The following CADM1 variants were observed in gnomAD, a reference collection of about 807,000 sequenced individuals.
The protein encoded by CADM1 is cell adhesion molecule 1.
CADM1 carries 15 observed loss-of-function variants against 53.1 expected under a neutral mutation model. That is an observed-to-expected ratio of 0.28 (90% confidence interval 0.19 to 0.44). The LOEUF (loss-of-function observed/expected upper bound fraction) is 0.44. Ranked by LOEUF, CADM1 falls within the 20% of genes least tolerant of loss-of-function variation. The probability of loss-of-function intolerance (pLI) is 1.00; values close to 1 mark genes in which losing one functional copy is unlikely to be tolerated. For missense variants in CADM1, 434 were observed against 611.3 expected (o/e 0.71, Z 3.06); for synonymous variants, 281 against 243.0 (o/e 1.16, Z -1.45).
intron 1 of CADM1, among the ~76,000 whole-genome samples, chr11:115,452,421 C>T (rs1948594534): frequency 6.6e-6 from 1 of 152,180 alleles, no homozygotes; most frequent in African/African-American, 2.4e-5. Flanking sequence ...AGCTTCTCCC[C>T]AGATCAGAAG....
chr11:115,347,514 A>T (rs1272283251), intron 1 of CADM1, among the ~76,000 whole-genome samples: 1 of 152,206 alleles, frequency 6.6e-6, no homozygotes, highest in East Asian at 1.9e-4. Flanking sequence ...ATAATAGAAC[A>T]TTTATTTTAT....
At chr11:115,424,573 G>A (rs1947840077) in intron 1 of CADM1, among the ~76,000 whole-genome samples, 1 of 151,998 alleles carries the variant, frequency 6.6e-6, no homozygotes, top group Admixed American at 6.5e-5. Context: ...TGTCTCCCAG[G>A]CTGGAGTGCA....
At chr11:115,445,793 C>T (rs1006190067) in intron 1 of CADM1, 5 of 451,978 alleles carry the variant, frequency 1.1e-5, no homozygotes, top group African/African-American at 8.0e-5. Flanking sequence ...TGCAGTGAGC[C>T]GAGATTGTGC....
chr11:115,193,107 AG>A (rs1213202582), intron 9 of CADM1, among the ~76,000 whole-genome samples: 1 of 152,232 alleles, frequency 6.6e-6, no homozygotes, highest in Non-Finnish European at 1.5e-5. Context: ...GATTTGGCTT[AG>A]GTATTTTTCT....
At chr11:115,301,339 G>A (rs925044664) in intron 1 of CADM1, among the ~76,000 whole-genome samples, 6 of 152,134 alleles carry the variant, frequency 3.9e-5, no homozygotes, top group African/African-American at 1.4e-4. Context: ...AGGCATGACA[G>A]TAATGAGACT....
chr11:115,369,329 C>G (rs543480187), intron 1 of CADM1, among the ~76,000 whole-genome samples: 91 of 152,202 alleles, frequency 6.0e-4, no homozygotes, highest in African/African-American at 2.0e-3. Context: ...ATTAAGAAAG[C>G]TGTAATTTTT....
Position 115,247,763 on chromosome 11 carries a change from C to T in CADM1, c.125-7343G>A, listed in dbSNP as rs554457221. ...GAAATTCCTTTGGGGAGAGGCAGCT[C>T]TGAAATAGCACAGCAAGGTTTCTCC... On this transcript the variant is annotated intron_variant, in intron 1 of 11. Coordinates refer to ENST00000331581, the MANE Select transcript of CADM1 (RefSeq NM_001301043.2). Among the ~76,000 whole-genome samples the T allele has an allele frequency of 3.9e-5, 6 of 152,302 alleles. No individual in the cohort carries two copies. The South Asian group carries it at 6.2e-4, about 16-fold the overall frequency.
At chr11:115,416,661 C>T (rs1565416536) in intron 1 of CADM1, among the ~76,000 whole-genome samples, 2 of 151,438 alleles carry the variant, frequency 1.3e-5, no homozygotes, top group Non-Finnish European at 2.9e-5. Flanking sequence ...ACTGTAGCCT[C>T]AAACCCCCTT....
At position 115,335,109 on chromosome 11, in the gene CADM1, A is replaced by G. The variant is rs1002384495; in HGVS notation, c.125-94689T>C. Among the ~76,000 whole-genome samples the G allele has an allele frequency of 3.9e-5, 6 of 152,128 alleles. No homozygotes were observed. In the East Asian group the frequency reaches 1.2e-3, roughly 29 times the overall value. On this transcript the variant is annotated intron_variant, in intron 1 of 11. Transcript: ENST00000331581. ...TTGTCACAAGATGGCAATCTCATGC[A>G]CTGGTAAACCATAAAAATTCATAGG...
intron 10 of CADM1, among the ~76,000 whole-genome samples, chr11:115,182,161 T>C (rs988753349): frequency 2.6e-5 from 4 of 152,184 alleles, no homozygotes; most frequent in Non-Finnish European, 5.9e-5. Context: ...CTCTTCAGAT[T>C]CCCGGCTCAT....
chr11:115,257,245 A>G (rs917426123), intron 1 of CADM1, among the ~76,000 whole-genome samples: 1 of 152,106 alleles, frequency 6.6e-6, no homozygotes, highest in African/African-American at 2.4e-5. Flanking sequence ...TTTTTGAGTG[A>G]CTGCCAGCAC....
intron 1 of CADM1, chr11:115,399,487 G>A (rs1020312176): frequency 6.6e-6 from 1 of 152,116 alleles, no homozygotes; most frequent in African/African-American, 2.4e-5. Context: ...TGAAGCTGAT[G>A]TATCCAAGCA....
At chr11:115,316,693 G>A (rs1337469292) in intron 1 of CADM1, among the ~76,000 whole-genome samples, 2 of 152,110 alleles carry the variant, frequency 1.3e-5, no homozygotes, top group African/African-American at 4.8e-5. Context: ...CACCTCTAAT[G>A]CAATGATACA....
At chr11:115,447,020 G>A (rs1215908112) in intron 1 of CADM1, among the ~76,000 whole-genome samples, 4 of 152,080 alleles carry the variant, frequency 2.6e-5, no homozygotes, top group African/African-American at 9.7e-5. Flanking sequence ...ACTAAAGTAG[G>A]TACAAACTAT....
intron 1 of CADM1, among the ~76,000 whole-genome samples, chr11:115,295,525 T>TA (rs1944038747): frequency 1.2e-5 from 1 of 80,936 alleles, no homozygotes; most frequent in Non-Finnish European, 2.0e-5. Flanking sequence ...TATATATATA[T>TA]ATATATATAT....
intron 1 of CADM1, among the ~76,000 whole-genome samples, chr11:115,469,563 C>A (rs1276455286): frequency 1.3e-5 from 2 of 152,138 alleles, no homozygotes. Flanking sequence ...ATGCATTAAA[C>A]CGTTTCAAAC....
intron 8 of CADM1, among the ~76,000 whole-genome samples, chr11:115,208,837 C>G (rs1940817482): frequency 6.6e-6 from 1 of 152,060 alleles, no homozygotes; most frequent in Non-Finnish European, 1.5e-5. Context: ...CCACTGGATG[C>G]CAGGAAGGGC....
At chr11:115,457,696 C>CG (rs1159449331) in intron 1 of CADM1, among the ~76,000 whole-genome samples, 1 of 152,144 alleles carries the variant, frequency 6.6e-6, no homozygotes, top group Non-Finnish European at 1.5e-5. Flanking sequence ...AACCTCCCCC[C>CG]TATACCTCCT....
intron 1 of CADM1, among the ~76,000 whole-genome samples, chr11:115,308,351 C>A (rs2157612): frequency 0.2 from 30,889 of 151,566 alleles, 4,615 homozygotes; most frequent in African/African-American, 0.42. Flanking sequence ...TTTTTGAAAA[C>A]CTCATGATTG....
Sources: gnomAD v4.1 joint callset for allele counts (sites outside exome capture counted in the v4.1 genomes callset) on GRCh38, gnomAD v4.1.1 for gene constraint, MANE v1.5 for transcripts, NCBI Gene and HGNC (gene_info 2026-07-23, HGNC 2026-07-21) for gene names.